STOX2: variants seen among roughly 807,000 people sequenced by gnomAD.
The protein encoded by STOX2 is storkhead-box protein 2.
A neutral mutation model predicts 60.9 loss-of-function variants in STOX2; 28 were observed. The observed-to-expected ratio is 0.46, with a 90% CI of 0.34 to 0.63. STOX2 has a LOEUF of 0.63. Ranked by LOEUF, STOX2 falls within the 30% of genes least tolerant of loss-of-function variation. The pLI, the probability that STOX2 is intolerant of heterozygous loss-of-function variation, is 0.01. For missense variants in STOX2, 1,024 were observed against 1,187.7 expected (o/e 0.86, Z 2.03); for synonymous variants, 472 against 463.9 (o/e 1.02, Z -0.22).
At chr4:183,848,135 T>G (rs1740029134) in intron 1 of STOX2, among the ~76,000 whole-genome samples, 1 of 152,210 alleles carries the variant, frequency 6.6e-6, no homozygotes, top group East Asian at 1.9e-4. Flanking sequence ...TGTTTCATAC[T>G]GGCCCACACA....
At chr4:183,864,904 C>G (rs565370900) in intron 1 of STOX2, among the ~76,000 whole-genome samples, 1 of 152,322 alleles carries the variant, frequency 6.6e-6, no homozygotes, top group South Asian at 2.1e-4. Context: ...GGTTTCTCTA[C>G]TTTTAAATCT....
Position 183,906,963 on chromosome 4 carries a change from T to TGGTGACCGCGTTTCTGCCCCCG in STOX2, c.166+10_166+31dup. The TGGTGACCGCGTTTCTGCCCCCG allele has an allele frequency of 6.6e-7, 1 of 1,521,446 alleles. No homozygotes were observed. The highest frequency in any genetic ancestry group is 2.5e-5 in the East Asian group (1 of 40,036). 94.2% of individuals were successfully genotyped at this position (1,521,446 alleles called of 1,614,324 possible). ...CGGGGCTACATGACATCAGGTTGGT[T>TGGTGACCGCGTTTCTGCCCCCG]GGTGACCGCGTTTCTGCCCCCGGGC... is the stretch of plus-strand genomic sequence containing the variant. On this transcript the variant is annotated splice_region_variant and intron_variant, in intron 1 of 3. Transcript: ENST00000308497.
intron 1 of STOX2, among the ~76,000 whole-genome samples, chr4:183,972,527 A>G (rs1164676034): frequency 6.6e-6 from 1 of 152,238 alleles, no homozygotes; most frequent in Non-Finnish European, 1.5e-5. Context: ...TAGATCATAC[A>G]GGTCCCAGGC....
chr4:183,927,131 C>T (rs1742264200), intron 1 of STOX2, among the ~76,000 whole-genome samples: 1 of 152,196 alleles, frequency 6.6e-6, no homozygotes, highest in Non-Finnish European at 1.5e-5. Flanking sequence ...ATTCTTTGCA[C>T]ACATGTAGAC....
chr4:183,981,683 A>G (rs1211454891), intron 1 of STOX2, among the ~76,000 whole-genome samples: 1 of 152,066 alleles, frequency 6.6e-6, no homozygotes, highest in Non-Finnish European at 1.5e-5. Flanking sequence ...TTAGATATTG[A>G]TTAGAACAAC....
intron 1 of STOX2, among the ~76,000 whole-genome samples, chr4:183,982,364 G>A (rs774950449): frequency 3.3e-5 from 5 of 152,170 alleles, no homozygotes; most frequent in Non-Finnish European, 5.9e-5. Flanking sequence ...TACAGTGCAA[G>A]GAAATCTTAC....
intron 1 of STOX2, among the ~76,000 whole-genome samples, chr4:183,879,788 G>C (rs1740913351): frequency 6.6e-6 from 1 of 151,946 alleles, no homozygotes. Flanking sequence ...TGGGGGATGG[G>C]AGCAGGATGC....
intron 2 of STOX2, among the ~76,000 whole-genome samples, chr4:184,004,452 TA>T (rs1159180023): frequency 1.3e-5 from 2 of 152,034 alleles, no homozygotes; most frequent in East Asian, 3.9e-4. Flanking sequence ...ACAAAAAAAT[TA>T]GCCGGGCTTG....
At chr4:183,964,836 G>T (rs1743516345) in intron 1 of STOX2, among the ~76,000 whole-genome samples, 1 of 152,114 alleles carries the variant, frequency 6.6e-6, no homozygotes, top group Non-Finnish European at 1.5e-5. Context: ...CACCCGCCTT[G>T]GCCTCCCAAA....
intron 1 of STOX2, among the ~76,000 whole-genome samples, chr4:183,872,608 T>C (rs961030722): frequency 2.6e-5 from 4 of 152,076 alleles, no homozygotes; most frequent in African/African-American, 9.7e-5. Flanking sequence ...CTCTTGCAGA[T>C]TGTGAAGTGG....
rs1743165793 is a variant in STOX2, at chr4:183,953,823, C to T, written c.166+46867C>T. 2.0e-5 allele frequency among the ~76,000 whole-genome samples: 3 copies of T among 152,298 alleles called. No individual in the cohort carries two copies. In the South Asian group the frequency reaches 6.2e-4, roughly 32 times the overall value. On this transcript the variant is annotated intron_variant, in intron 1 of 3. Coordinates refer to ENST00000308497, the MANE Select transcript of STOX2 (RefSeq NM_020225.3). ...TCAAGTGATCCACCTGCCTCAGCCT[C>T]CCAAAGTGCTGGGATTATGGGCATG... is the stretch of plus-strand genomic sequence containing the variant.
At chr4:183,834,894 G>A (rs186764696) in intron 1 of STOX2, among the ~76,000 whole-genome samples, 1 of 152,294 alleles carries the variant, frequency 6.6e-6, no homozygotes, top group African/African-American at 2.4e-5. Context: ...CAAGGTTACT[G>A]AAGCAGTGAG....
intron 1 of STOX2, among the ~76,000 whole-genome samples, chr4:183,860,443 A>AAAC (rs1491292577): frequency 1.4e-4 from 1 of 7,018 alleles, no homozygotes; most frequent in Non-Finnish European, 5.7e-3. Context: ...AACAAAAAAC[A>AAAC]AAAAAAAAAA....
intron 1 of STOX2, among the ~76,000 whole-genome samples, chr4:183,992,937 C>T (rs1733173584): frequency 2.0e-5 from 3 of 152,232 alleles, no homozygotes; most frequent in South Asian, 4.1e-4. Context: ...TTAGCAAAGG[C>T]GTTAATTACG....
chr4:183,804,100 C>T (rs1699548109), intron 1 of STOX2, among the ~76,000 whole-genome samples: 1 of 152,136 alleles, frequency 6.6e-6, no homozygotes, highest in Non-Finnish European at 1.5e-5. Context: ...TTATTGATCA[C>T]CGACTATTTT....
At chr4:183,948,218 CAAAAAAAAAAA>C (rs760286920) in intron 1 of STOX2, among the ~76,000 whole-genome samples, 3 of 29,878 alleles carry the variant, frequency 1.0e-4, no homozygotes, top group Non-Finnish European at 1.6e-4. Flanking sequence ...AACTCCATCT[CAAAAAAAAAAA>C]AAAAAAAAAA....
intron 1 of STOX2, among the ~76,000 whole-genome samples, chr4:183,827,871 T>C (rs915649636): frequency 2.3e-5 from 3 of 130,122 alleles, no homozygotes; most frequent in African/African-American, 8.8e-5. Context: ...AATGAAATCC[T>C]GCCTCAAAAA....
intron 1 of STOX2, among the ~76,000 whole-genome samples, chr4:183,869,836 C>T (rs564028868): frequency 6.6e-6 from 1 of 152,202 alleles, no homozygotes; most frequent in South Asian, 2.1e-4. Flanking sequence ...TAAAAACAAT[C>T]CTTCCCAGTC....
upstream of STOX2, among the ~76,000 whole-genome samples, chr4:183,905,192 T>TCCGGGTCCCAGGC (rs1741552815): frequency 6.6e-6 from 1 of 152,226 alleles, no homozygotes; most frequent in Admixed American, 6.5e-5. Flanking sequence ...CGGCGTGACC[T>TCCGGGTCCCAGGC]CCGGGTCCCA....
Sources: gnomAD v4.1 joint callset for allele counts (sites outside exome capture counted in the v4.1 genomes callset) on GRCh38, gnomAD v4.1.1 for gene constraint, MANE v1.5 for transcripts, NCBI Gene and HGNC (gene_info 2026-07-23, HGNC 2026-07-21) for gene names.